SEMA6A: variants seen among roughly 807,000 people sequenced by gnomAD.
The protein encoded by SEMA6A is semaphorin 6A.
In SEMA6A, 25 loss-of-function variants were observed where a neutral mutation model predicts 96.8. The ratio of observed to expected loss-of-function variants is 0.26; its 90% CI spans 0.19 to 0.36. The LOEUF (loss-of-function observed/expected upper bound fraction) is 0.36. SEMA6A is among the 10% of genes least tolerant of loss of function. The pLI, the probability that SEMA6A is intolerant of heterozygous loss-of-function variation, is 1.00. For synonymous variants in SEMA6A, 612 were observed against 518.0 expected (o/e 1.18, Z -2.46); for missense variants, 1,363 against 1,323.1 (o/e 1.03, Z -0.47).
At chr5:116,569,875 T>G (rs1029248809) in intron 1 of SEMA6A, among the ~76,000 whole-genome samples, 1 of 152,184 alleles carries the variant, frequency 6.6e-6, no homozygotes, top group African/African-American at 2.4e-5. Context: ...TTGAGATGTC[T>G]ATTCAGGAGG....
chr5:116,495,544 A>G (rs2112746534), intron 5 of SEMA6A, 30 bp from the exon 6 acceptor site: 1 of 1,467,568 alleles, frequency 6.8e-7, no homozygotes, highest in Non-Finnish European at 9.4e-7. Context: ...GTTTTGTATC[A>G]TGTCCATTCA....
chr5:116,531,889 A>G (rs369812604), intron 1 of SEMA6A, among the ~76,000 whole-genome samples: 1 of 150,744 alleles, frequency 6.6e-6, no homozygotes, highest in African/African-American at 2.4e-5. Flanking sequence ...CAAGCCACTC[A>G]CCCTGCCACT....
At chr5:116,523,937 A>C (rs1759087544) in intron 1 of SEMA6A, among the ~76,000 whole-genome samples, 1 of 152,116 alleles carries the variant, frequency 6.6e-6, no homozygotes, top group African/African-American at 2.4e-5. Context: ...TGATTCAAAA[A>C]CCTTTACTTG....
chr5:116,498,050 A>G (rs1449807882), intron 3 of SEMA6A, among the ~76,000 whole-genome samples: 1 of 152,126 alleles, frequency 6.6e-6, no homozygotes, highest in Non-Finnish European at 1.5e-5. Flanking sequence ...TTTGCTGCCA[A>G]TCTAGCCTTG....
intron 1 of SEMA6A, among the ~76,000 whole-genome samples, chr5:116,539,431 A>G (rs181134360): frequency 4.6e-5 from 7 of 152,342 alleles, no homozygotes; most frequent in Non-Finnish European, 8.8e-5. Flanking sequence ...CAAATCATTG[A>G]TAGTCATGAC....
chr5:116,513,763 G>A (rs903746660), intron 1 of SEMA6A, among the ~76,000 whole-genome samples: 3 of 152,058 alleles, frequency 2.0e-5, no homozygotes, highest in South Asian at 2.1e-4. Flanking sequence ...TATTCTTCCC[G>A]ATGCTCTCCC....
Position 116,467,628 on chromosome 5 carries a change from C to G in SEMA6A, c.1849G>C (p.Asp617His), listed in dbSNP as rs1362498194. 2 of 1,613,474 alleles carry G rather than the reference C, an allele frequency of 1.2e-6. No individual in the cohort carries two copies. Among genetic ancestry groups the G allele is most frequent in the African/African-American group, 2.7e-5 (2 of 74,826 alleles). ...TGGGAAGACACTGCCCCCAAAGGGT[C>G]TGTGCTGTCAGGTGAGTCAAGCAGA... is the stretch of plus-strand genomic sequence containing the variant. ...KHLLDSPDSTDPLGAVSSHNH... is the reference protein window; with the variant it reads ...KHLLDSPDSTHPLGAVSSHNH... The change falls in exon 18 of 19, where the codon GAC becomes CAC. Residue 617 changes from aspartate (D) to histidine (H), a missense_variant. Around this residue, in one of 2 missense-constraint regions of SEMA6A, gnomAD observed 883 missense variants for 763.6 expected, o/e 1.16. Transcript: ENST00000343348.
At chr5:116,451,102 G>A (rs1754603618) in intron 18 of SEMA6A, among the ~76,000 whole-genome samples, 3 of 152,298 alleles carry the variant, frequency 2.0e-5, no homozygotes, top group South Asian at 2.1e-4. Flanking sequence ...CTTTTGGCAA[G>A]TGACTTAACA....
At position 116,537,156 on chromosome 5, in the gene SEMA6A, G is replaced by C. The variant is rs7714266; in HGVS notation, c.-38-32174C>G. On this transcript the variant is annotated intron_variant, in intron 1 of 18. Coordinates refer to ENST00000343348, the MANE Select transcript of SEMA6A (RefSeq NM_020796.5). ...ACATGCACACATGCATGCACACATAGAGACCCACCAACAGGGAAACTGCAG... is the reference window on the plus strand; with the variant it reads ...ACATGCACACATGCATGCACACATACAGACCCACCAACAGGGAAACTGCAG... Among the ~76,000 whole-genome samples the C allele has an allele frequency of 3.8e-3, 582 of 152,324 alleles. 8 individuals carry two copies. The highest frequency in any genetic ancestry group is 0.013 in the African/African-American group (551 of 41,562).
At chr5:116,496,473 C>T (rs1305266197) in intron 4 of SEMA6A, among the ~76,000 whole-genome samples, 160 bp from the exon 5 acceptor site, 2 of 152,162 alleles carry the variant, frequency 1.3e-5, no homozygotes, top group East Asian at 3.9e-4. Flanking sequence ...ACAAAAGATT[C>T]CAGATGAAAA....
intron 1 of SEMA6A, among the ~76,000 whole-genome samples, chr5:116,564,171 G>C (rs1760932132): frequency 6.6e-6 from 1 of 152,216 alleles, no homozygotes; most frequent in Admixed American, 6.5e-5. Flanking sequence ...AATGCTTGTT[G>C]ATCTTACACA....
intron 1 of SEMA6A, among the ~76,000 whole-genome samples, chr5:116,535,300 G>A (rs1433011554): frequency 6.6e-6 from 1 of 152,238 alleles, no homozygotes; most frequent in Admixed American, 6.5e-5. Context: ...TGGGTAGAAA[G>A]TGGGATGCAG....
intron 18 of SEMA6A, among the ~76,000 whole-genome samples, chr5:116,454,551 AAAAC>A (rs1267011875): frequency 6.6e-6 from 1 of 152,144 alleles, no homozygotes; most frequent in African/African-American, 2.4e-5. Flanking sequence ...AGAAGAGAAG[AAAAC>A]AAACAAGGGA....
rs1409003238 is a variant in SEMA6A at position 116,443,794 on chromosome 5, G to A, written c.*2819C>T. On this transcript the variant is annotated 3_prime_UTR_variant, in exon 19 of 19. Coordinates refer to ENST00000343348, the MANE Select transcript of SEMA6A (RefSeq NM_020796.5). ...TACCAGTGTCTAGCAAGGGTGGAAA[G>A]CAAAGGCACACTCGGGTTTATGGAC... 6.6e-6 allele frequency: 1 copy of A among 152,624 alleles called. No homozygotes were observed. The highest frequency in any genetic ancestry group is 2.4e-5 in the African/African-American group (1 of 41,442). 9.5% of individuals were successfully genotyped at this position (152,624 alleles called of 1,614,324 possible). A position where few individuals can be genotyped will look rare whatever the true frequency, so the allele number is the denominator to read the frequency against.
At chr5:116,570,507 G>C (rs77009427) in intron 1 of SEMA6A, among the ~76,000 whole-genome samples, 349 of 152,294 alleles carry the variant, frequency 2.3e-3, no homozygotes, top group Middle Eastern at 6.8e-3. Flanking sequence ...CCTAAAGAAG[G>C]GTGTGGAGAG....
chr5:116,472,826 C>G (rs1756230776), intron 17 of SEMA6A: 2 of 1,293,102 alleles, frequency 1.5e-6, no homozygotes, highest in Non-Finnish European at 2.1e-6. Context: ...AAACTATAAA[C>G]TACTGCTGGA....
At chr5:116,485,040 G>A (rs1021739354) in intron 10 of SEMA6A, among the ~76,000 whole-genome samples, 1 of 152,112 alleles carries the variant, frequency 6.6e-6, no homozygotes, top group Non-Finnish European at 1.5e-5. Context: ...TGAAGTAGAG[G>A]GATGAAACCA....
rs1554084134 is a variant in SEMA6A, at chr5:116,478,741, C to T, written c.1251-23G>A. On this transcript the variant is annotated intron_variant, in intron 12 of 18. Transcript: ENST00000343348. ...TATCTAAAATGACAGGACCACATTT[C>T]TTATCTCTTTGTTGGTCTATCATTA... The T allele has an allele frequency of 2.5e-6, 4 of 1,606,700 alleles. No individual in the cohort carries two copies. The Admixed American group carries it at 5.1e-5, about 20-fold the overall frequency.
chr5:116,537,203 T>G (rs1222681524), intron 1 of SEMA6A, among the ~76,000 whole-genome samples: 3 of 152,158 alleles, frequency 2.0e-5, no homozygotes, highest in African/African-American at 7.2e-5. Flanking sequence ...AATAAATACA[T>G]TTCTTGAGAA....
Sources: allele counts gnomAD v4.1 joint callset (sites outside exome capture counted in the v4.1 genomes callset), GRCh38; gene constraint gnomAD v4.1.1; regional missense constraint gnomAD v4.1.1; transcripts MANE v1.5; gene names NCBI Gene and HGNC (gene_info 2026-07-23, HGNC 2026-07-21).